JAKMIP3: variants seen among roughly 807,000 people sequenced by gnomAD.
The protein encoded by JAKMIP3 is Janus kinase and microtubule interacting protein 3.
Under a neutral mutation model 118.5 loss-of-function variants are expected in JAKMIP3, and 58 were observed. That is an observed-to-expected ratio of 0.49 (90% CI 0.40 to 0.61). JAKMIP3 has a LOEUF of 0.61. Ranked by LOEUF, JAKMIP3 falls within the 20% of genes least tolerant of loss-of-function variation. The pLI is 0.00. For missense variants in JAKMIP3, 950 were observed against 1,109.0 expected (o/e 0.86, Z 2.04); for synonymous variants, 486 against 451.2 (o/e 1.08, Z -0.98).
chr10:132,153,733 G>T (rs770759350), intron 17 of JAKMIP3, 26 bp from the exon 18 acceptor site: 1 of 1,612,250 alleles, frequency 6.2e-7, no homozygotes, highest in Admixed American at 1.7e-5. Context: ...AGGGGTCACT[G>T]TCCTGCTTGT....
At chr10:132,128,976 A>G (rs1365252872) in intron 3 of JAKMIP3, among the ~76,000 whole-genome samples, 1 of 152,200 alleles carries the variant, frequency 6.6e-6, no homozygotes, top group African/African-American at 2.4e-5. Context: ...GTGCTGCCAC[A>G]GACTTAGCTT....
chr10:132,148,863 C>T (rs1424168137), intron 14 of JAKMIP3, among the ~76,000 whole-genome samples: 1 of 152,234 alleles, frequency 6.6e-6, no homozygotes, highest in Non-Finnish European at 1.5e-5. Flanking sequence ...GCCCCGAGGC[C>T]TCCGTCTCAG....
At chr10:132,093,173 G>T (rs2043323654) in intron 1 of JAKMIP3, among the ~76,000 whole-genome samples, 1 of 152,164 alleles carries the variant, frequency 6.6e-6, no homozygotes, top group South Asian at 2.1e-4. Flanking sequence ...GTGTCAGTCT[G>T]CCCTTACTGG....
intron 1 of JAKMIP3, among the ~76,000 whole-genome samples, chr10:132,078,015 T>C (rs1483504917): frequency 6.6e-6 from 1 of 152,224 alleles, no homozygotes; most frequent in African/African-American, 2.4e-5. Flanking sequence ...TTTCACTATG[T>C]TGGCCAGGCT....
chr10:132,146,521 G>T (rs74161733), intron 13 of JAKMIP3, among the ~76,000 whole-genome samples: 1 of 152,142 alleles, frequency 6.6e-6, no homozygotes, highest in Non-Finnish European at 1.5e-5. Flanking sequence ...CACAGGTGAG[G>T]GGTGCTCTGT....
intron 1 of JAKMIP3, among the ~76,000 whole-genome samples, chr10:132,103,449 G>A (rs2045377872): frequency 1.7e-5 from 1 of 57,150 alleles, no homozygotes; most frequent in South Asian, 8.2e-4. Flanking sequence ...GGGGAGAGGA[G>A]CAGCTGGGGG....
intron 9 of JAKMIP3, among the ~76,000 whole-genome samples, chr10:132,139,097 TG>T (rs1378635674): frequency 5.6e-5 from 3 of 53,414 alleles, no homozygotes; most frequent in Admixed American, 4.7e-4. Flanking sequence ...AGTGCGTGTA[TG>T]TGTGTACATG....
chr10:132,147,932 A>G lies in JAKMIP3; in HGVS notation c.1750-20A>G, dbSNP rs1463550192. On this transcript the variant is annotated intron_variant, in intron 13 of 23. Coordinates refer to ENST00000684848, the MANE Select transcript of JAKMIP3 (RefSeq NM_001323087.2). ...GAGAGAGAACCAGACCCCTCACCTC[A>G]TGCATCTTTTATGTTGCAGATCAAA... 1.9e-6 allele frequency: 3 copies of G among 1,550,420 alleles called. No individual in the cohort carries two copies. Among genetic ancestry groups the G allele is most frequent in the East Asian group, 4.6e-5 (2 of 43,622 alleles).
rs372216435 is a variant in JAKMIP3, at chr10:132,160,118, T to C, written c.2221-3091T>C. On this transcript the variant is annotated intron_variant, in intron 19 of 23. Coordinates refer to ENST00000684848, the MANE Select transcript of JAKMIP3 (RefSeq NM_001323087.2). Reference sequence around the variant, plus strand: ...CTGTGTGATGCAGGCGGTGGCCTCTTCCTGTGTGATGCTGGGGGGGGTCTC... The same window carrying C: ...CTGTGTGATGCAGGCGGTGGCCTCTCCCTGTGTGATGCTGGGGGGGGTCTC... Among the ~76,000 whole-genome samples the C allele has an allele frequency of 1.7e-3, 37 of 22,156 alleles. No individual in the cohort carries two copies. In the East Asian group the frequency reaches 0.042, roughly 25 times the overall value. 14.5% of individuals were successfully genotyped at this position (22,156 alleles called of 152,430 possible).
intron 1 of JAKMIP3, among the ~76,000 whole-genome samples, chr10:132,075,560 C>T (rs986318519): frequency 6.6e-6 from 1 of 152,070 alleles, no homozygotes; most frequent in Admixed American, 6.6e-5. Context: ...CAGGCATGCA[C>T]CACCACACTG....
chr10:132,066,627 T>A (rs2038831353), intron 1 of JAKMIP3, among the ~76,000 whole-genome samples: 4 of 152,234 alleles, frequency 2.6e-5, no homozygotes, highest in African/African-American at 9.6e-5. Flanking sequence ...GATGGTGTCT[T>A]CTCTTTAAAA....
intron 8 of JAKMIP3, 63 bp downstream of exon 8, chr10:132,137,352 C>T (rs2052016105): frequency 6.3e-7 from 1 of 1,588,232 alleles, no homozygotes; most frequent in East Asian, 2.2e-5. Context: ...CCGTGGGACC[C>T]ATTCTGTGCC....
At chr10:132,048,128 C>T (rs1446882955) in intron 1 of JAKMIP3, among the ~76,000 whole-genome samples, 2 of 152,222 alleles carry the variant, frequency 1.3e-5, no homozygotes, top group African/African-American at 4.8e-5. Flanking sequence ...CCGCGTGGAG[C>T]AGAGCAGGTG....
chr10:132,156,097 G>T (rs1434751973), intron 19 of JAKMIP3, among the ~76,000 whole-genome samples: 1 of 152,142 alleles, frequency 6.6e-6, no homozygotes, highest in African/African-American at 2.4e-5. Context: ...CATCCAAACT[G>T]CAGCCAGCTG....
upstream of JAKMIP3, among the ~76,000 whole-genome samples, chr10:132,062,651 C>T (rs74751094): frequency 2.0e-4 from 30 of 152,316 alleles, 1 homozygote; most frequent in East Asian, 5.6e-3. Flanking sequence ...CTCCAAAACA[C>T]AAAAAGCAAT....
chr10:132,097,402 G>T (rs2044030322), intron 1 of JAKMIP3, among the ~76,000 whole-genome samples: 1 of 152,096 alleles, frequency 6.6e-6, no homozygotes, highest in Admixed American at 6.5e-5. Context: ...AGCTGTGGGT[G>T]CCCATGGTAA....
chr10:132,141,950 T>C lies in JAKMIP3; in HGVS notation c.1504T>C (p.Phe502Leu), dbSNP rs376915260. The change falls in exon 11 of 24, where the codon TTC (phenylalanine) becomes CTC (leucine). Residue 502 changes from phenylalanine (F) to leucine (L), a missense_variant. Transcript: ENST00000684848. ...GGCCAAGGAGGAGACGGAGCTGAGG[T>C]TCCGGCAGCTGACCATGGAGTACCA... ...GMAKEETELRFRQLTMEYQAL... is the reference protein window; with the variant it reads ...GMAKEETELRLRQLTMEYQAL... 1 of 1,595,512 alleles carries C rather than the reference T, an allele frequency of 6.3e-7. No homozygotes were observed. The highest frequency in any genetic ancestry group is 8.5e-7 in the Non-Finnish European group (1 of 1,171,596).
intron 23 of JAKMIP3, among the ~76,000 whole-genome samples, chr10:132,180,784 C>CGTGTGTGTGTGTGT (rs747427248): frequency 3.6e-5 from 2 of 54,814 alleles, no homozygotes; most frequent in African/African-American, 7.3e-5. Context: ...TGTGTGTGTG[C>CGTGTGTGTGTGTGT]GCGTATGCAT....
chr10:132,102,246 G>A (rs780511931), intron 1 of JAKMIP3, among the ~76,000 whole-genome samples: 1 of 152,174 alleles, frequency 6.6e-6, no homozygotes, highest in Non-Finnish European at 1.5e-5. Context: ...TCAGGATGGA[G>A]CTGGAAAGGG....
Sources: gnomAD v4.1 joint callset for allele counts (sites outside exome capture counted in the v4.1 genomes callset) on GRCh38, gnomAD v4.1.1 for gene constraint, MANE v1.5 for transcripts, NCBI Gene and HGNC (gene_info 2026-07-23, HGNC 2026-07-21) for gene names.